The following KCNMB2 variants were observed in gnomAD, a reference collection of about 807,000 sequenced individuals.
KCNMB2 encodes calcium-activated potassium channel subunit beta-2.
In KCNMB2, 9 loss-of-function variants were observed where a neutral mutation model predicts 24.5. The observed-to-expected ratio is 0.37, with a 90% CI of 0.22 to 0.64. The LOEUF (loss-of-function observed/expected upper bound fraction) is 0.64, where lower values mean the gene tolerates loss of function less well. KCNMB2 is among the 30% of genes least tolerant of loss of function. The pLI is 0.63. For missense variants in KCNMB2, 226 were observed against 284.3 expected, an observed-to-expected ratio of 0.79 and a Z score of 1.47; for synonymous variants, 109 against 104.4, an observed-to-expected ratio of 1.04 and a Z score of -0.27.
chr3:178,571,020 A>C (rs1024037593), intron 1 of KCNMB2, among the ~76,000 whole-genome samples: 1 of 152,228 alleles, frequency 6.6e-6, no homozygotes, highest in African/African-American at 2.4e-5. Context: ...CCACATTCTG[A>C]TGTAAACATT....
chr3:178,800,186 T>A (rs1418444922), intron 1 of KCNMB2, among the ~76,000 whole-genome samples: 1 of 151,968 alleles, frequency 6.6e-6, no homozygotes, highest in Non-Finnish European at 1.5e-5. Flanking sequence ...TGGGATCACA[T>A]CAAGTTAAAA....
chr3:178,593,716 T>C (rs1457512535), intron 1 of KCNMB2, among the ~76,000 whole-genome samples: 3 of 151,732 alleles, frequency 2.0e-5, no homozygotes, highest in Non-Finnish European at 4.4e-5. Flanking sequence ...GGCCTTAGAT[T>C]GGGCTTTTGT....
intron 1 of KCNMB2, among the ~76,000 whole-genome samples, chr3:178,740,787 G>A (rs774333367): frequency 6.6e-6 from 1 of 152,118 alleles, no homozygotes; most frequent in Non-Finnish European, 1.5e-5. Context: ...CATCTGTCAG[G>A]CACTGGGCTC....
intron 1 of KCNMB2, among the ~76,000 whole-genome samples, chr3:178,722,589 C>T (rs979004733): frequency 6.6e-6 from 1 of 152,120 alleles, no homozygotes; most frequent in Admixed American, 6.6e-5. Context: ...ATATATTAGT[C>T]ACCTCTAAAT....
chr3:178,698,471 G>C (rs1274133768), intron 1 of KCNMB2, among the ~76,000 whole-genome samples: 6 of 152,144 alleles, frequency 3.9e-5, no homozygotes, highest in Admixed American at 6.5e-5. Flanking sequence ...TATCTGGTCA[G>C]TTACATTCTT....
rs188398854 is a variant in KCNMB2, at chr3:178,761,754, A to T, written c.-67-45589A>T. ...ATGCCAAGCACTGAAGAAAAGCTAT[A>T]AAAAAAATATAGACAATGTCCCTAA... On this transcript the variant is annotated intron_variant, in intron 1 of 4. Transcript: ENST00000452583. Among the ~76,000 whole-genome samples, 45 of 152,200 alleles carry T rather than the reference A, an allele frequency of 3.0e-4. No individual in the cohort carries two copies. The East Asian group carries it at 8.5e-3, about 29-fold the overall frequency.
intron 1 of KCNMB2, among the ~76,000 whole-genome samples, chr3:178,667,532 A>G (rs1720761490): frequency 6.6e-6 from 1 of 152,102 alleles, no homozygotes; most frequent in South Asian, 2.1e-4. Context: ...GAGAAATCAC[A>G]TTTTCATTTC....
intron 1 of KCNMB2, among the ~76,000 whole-genome samples, chr3:178,778,100 T>G (rs541363525): frequency 1.1e-4 from 17 of 152,208 alleles, no homozygotes; most frequent in Non-Finnish European, 2.4e-4. Flanking sequence ...TTGCTTGCAG[T>G]GTTTCTTTTC....
At chr3:178,751,904 G>A (rs377166248) in intron 1 of KCNMB2, among the ~76,000 whole-genome samples, 2 of 152,080 alleles carry the variant, frequency 1.3e-5, no homozygotes, top group Non-Finnish European at 2.9e-5. Flanking sequence ...TAGCCCTCAC[G>A]GCAATCATTG....
chr3:178,556,760 A>C (rs1476211725), intron 1 of KCNMB2, among the ~76,000 whole-genome samples: 2 of 152,224 alleles, frequency 1.3e-5, no homozygotes, highest in African/African-American at 4.8e-5. Flanking sequence ...AGGAGAATGC[A>C]GAATCACAGA....
chr3:178,773,674 G>A (rs1426687339), intron 1 of KCNMB2, among the ~76,000 whole-genome samples: 4 of 152,064 alleles, frequency 2.6e-5, no homozygotes, highest in Admixed American at 1.3e-4. Context: ...AATTCACCAG[G>A]GATATTCTTC....
chr3:178,809,300 T>C (rs914686106), intron 2 of KCNMB2, among the ~76,000 whole-genome samples: 1 of 152,216 alleles, frequency 6.6e-6, no homozygotes, highest in Non-Finnish European at 1.5e-5. Flanking sequence ...AAGTGTAATA[T>C]ATTTCTTTCA....
rs79700643 is a variant in KCNMB2, at chr3:178,656,865, A to G, written c.-68+120154A>G. 5.1e-3 allele frequency among the ~76,000 whole-genome samples: 782 copies of G among 152,290 alleles called. 7 individuals carry two copies. The highest frequency in any genetic ancestry group is 0.018 in the African/African-American group (737 of 41,560). On this transcript the variant is annotated intron_variant, in intron 1 of 4. Coordinates refer to ENST00000452583, the MANE Select transcript of KCNMB2 (RefSeq NM_181361.3). ...TTAAACAGCACATATTACCACGATTAAAACATGTGTTTGTTGGGGCGGGGT... is the reference window on the plus strand; with the variant it reads ...TTAAACAGCACATATTACCACGATTGAAACATGTGTTTGTTGGGGCGGGGT...
At chr3:178,728,089 C>T (rs1378742463) in intron 1 of KCNMB2, among the ~76,000 whole-genome samples, 1 of 152,142 alleles carries the variant, frequency 6.6e-6, no homozygotes, top group East Asian at 1.9e-4. Flanking sequence ...TCATTAATCA[C>T]CCAAAATTGT....
intron 1 of KCNMB2, among the ~76,000 whole-genome samples, chr3:178,733,344 G>A (rs898481153): frequency 6.6e-6 from 1 of 152,172 alleles, no homozygotes; most frequent in Non-Finnish European, 1.5e-5. Context: ...AGATCAGAGA[G>A]GTCACGAGAA....
chr3:178,650,469 G>A (rs1273863391), intron 1 of KCNMB2, among the ~76,000 whole-genome samples: 1 of 152,060 alleles, frequency 6.6e-6, no homozygotes, highest in Non-Finnish European at 1.5e-5. Context: ...TTATGTGGGA[G>A]TCTACGTCTT....
intron 1 of KCNMB2, among the ~76,000 whole-genome samples, chr3:178,538,668 T>A (rs1715487544): frequency 6.6e-6 from 1 of 152,172 alleles, no homozygotes; most frequent in Admixed American, 6.5e-5. Context: ...TAAAATGAAT[T>A]TTCACAATTT....
At chr3:178,794,504 C>G (rs780528473) in intron 1 of KCNMB2, among the ~76,000 whole-genome samples, 7 of 152,152 alleles carry the variant, frequency 4.6e-5, no homozygotes, top group Non-Finnish European at 1.0e-4. Flanking sequence ...TGCTGCTGGT[C>G]CCTGTCGTTG....
chr3:178,631,209 C>G (rs1253859302), intron 1 of KCNMB2, among the ~76,000 whole-genome samples: 1 of 152,194 alleles, frequency 6.6e-6, no homozygotes, highest in Non-Finnish European at 1.5e-5. Context: ...AACCAAACCT[C>G]TAGGTCATCT....
Sources: gnomAD v4.1 joint callset for allele counts (sites outside exome capture counted in the v4.1 genomes callset) on GRCh38, gnomAD v4.1.1 for gene constraint, MANE v1.5 for transcripts, NCBI Gene and HGNC (gene_info 2026-07-23, HGNC 2026-07-21) for gene names.